Variants in ATM observed in about 807,000 individuals in gnomAD.
The protein encoded by ATM is ATM serine/threonine kinase, also known as serine-protein kinase ATM.
Under a neutral mutation model 387.0 loss-of-function variants are expected in ATM, and 308 were observed. The observed-to-expected ratio is 0.80, with a 90% CI of 0.73 to 0.87. The LOEUF (loss-of-function observed/expected upper bound fraction) is 0.87, where lower values mean the gene tolerates loss of function less well. ATM is among the 40% of genes least tolerant of loss of function. ATM has a pLI of 0.00. For missense variants in ATM, 3,312 were observed against 3,560.9 expected (o/e 0.93, Z 1.78); for synonymous variants, 1,156 against 1,187.3 (o/e 0.97, Z 0.54).
At chr11:108,291,882 T>C (rs1384831432) in intron 29 of ATM, among the ~76,000 whole-genome samples, 1 of 152,220 alleles carries the variant, frequency 6.6e-6, no homozygotes, top group African/African-American at 2.4e-5. Flanking sequence ...AGCATGTGTG[T>C]GGCTTTCTGA....
chr11:108,334,970 TG>T lies in ATM; in HGVS notation c.8014del (p.Asp2672ThrfsTer10), dbSNP rs1455772104. The stretch of plus-strand genomic sequence containing the variant: ...CAATCATGTTTATACTTTTATTAGG[TG>T]GACCACACAGGAGAATATGGAAATC... ...DVVVPTMEIKVDHTGEYGNLV... is the reference protein window; with the variant it reads ...DVVVPTMEIKXDHTGEYGNLV... On this transcript the variant is annotated frameshift_variant and splice_region_variant, in exon 55 of 63. Transcript: ENST00000675843. LOFTEE classifies it high-confidence loss of function. 1 of 1,612,638 alleles carries T rather than the reference TG, an allele frequency of 6.2e-7. No individual in the cohort carries two copies. Among genetic ancestry groups the T allele is most frequent in the East Asian group, 2.2e-5 (1 of 44,852 alleles).
At chr11:108,227,985 T>C (rs1489551366) in intron 3 of ATM, 97 bp downstream of exon 3, 2 of 1,048,114 alleles carry the variant, frequency 1.9e-6, no homozygotes, top group Non-Finnish European at 1.4e-6. Context: ...AACATTTATC[T>C]TTGCTTCCTA....
intron 59 of ATM, among the ~76,000 whole-genome samples, chr11:108,352,323 T>G (rs948858204): frequency 2.0e-5 from 3 of 152,184 alleles, no homozygotes; most frequent in African/African-American, 7.2e-5. Context: ...AGTCTCAGTA[T>G]AGAAGTAGAT....
rs10603787 is a variant in ATM, at chr11:108,290,638, C to CAAAAA, written c.4436+862_4436+866dup. The CAAAAA allele has an allele frequency of 5.4e-4, 37 of 68,652 alleles. 1 individual carries two copies. Among genetic ancestry groups the CAAAAA allele is most frequent in the African/African-American group, 1.8e-3 (28 of 15,378 alleles). 4.3% of individuals were successfully genotyped at this position (68,652 alleles called of 1,614,324 possible). On this transcript the variant is annotated intron_variant, in intron 29 of 62. Transcript: ENST00000675843. ...GGGAGACAGAGCGAGACTCTTGTCT[C>CAAAAA]AAAAAAAAAAAAAAAAAAAAAAAAA...
rs2083471152 is a variant in ATM, at chr11:108,302,276, G to T, written c.5319+487G>T. 2.6e-5 allele frequency among the ~76,000 whole-genome samples: 4 copies of T among 152,170 alleles called. No individual in the cohort carries two copies. In the South Asian group the frequency reaches 8.3e-4, roughly 32 times the overall value. ...CTGTGAAGCATGTTTAAGAACACTTGTTCCTTCCTTAGTCTAAGCATTCCT... is the reference window on the plus strand; with the variant it reads ...CTGTGAAGCATGTTTAAGAACACTTTTTCCTTCCTTAGTCTAAGCATTCCT... On this transcript the variant is annotated intron_variant, in intron 35 of 62. Transcript: ENST00000675843.
intron 33 of ATM, chr11:108,299,364 CT>C: frequency 4.1e-6 from 1 of 241,608 alleles, no homozygotes; most frequent in Non-Finnish European, 8.3e-6. Flanking sequence ...GTGGTGCCAT[CT>C]TGGCTCACTG....
At chr11:108,266,519 A>G (rs2081252132) in intron 16 of ATM, among the ~76,000 whole-genome samples, 44 of 143,098 alleles carry the variant, frequency 3.1e-4, no homozygotes, top group East Asian at 4.3e-4. Context: ...TAGCATTGGG[A>G]GATATACCTA....
chr11:108,247,052 A>C lies in ATM; in HGVS notation c.990A>C (p.Gly330=). Residue 330 remains glycine, a synonymous_variant, in exon 8 of 63, where the codon GGA becomes GGC. Coordinates refer to ENST00000675843, the MANE Select transcript of ATM (RefSeq NM_000051.4). ...AGATAAGTCATATAGGAAGTAGAGG[A>C]AAGTATTCTTCAGGATTTCGTAATA... ...VNEISHIGSR[G]KYSSGFRNIA... 6.2e-7 allele frequency: 1 copy of C among 1,613,848 alleles called. No homozygotes were observed. Among genetic ancestry groups the C allele is most frequent in the Non-Finnish European group, 8.5e-7 (1 of 1,179,810 alleles).
chr11:108,249,002 G>A lies in ATM; in HGVS notation c.1135G>A (p.Asp379Asn), dbSNP rs1591517693. The part of the protein sequence containing the change: ...SYTTTQRESS[D>N]YSVPCKRKKI... ...CACTACTACACAAAGAGAATCTAGT[G>A]ATTACAGTGTCCCTTGCAAAAGGAA... Residue 379 changes from aspartate (D) to asparagine (N), a missense_variant, in exon 9 of 63, where the codon GAT becomes AAT. This residue lies in a region of ATM where 1,791 missense variants were observed against 1,804.5 expected (regional missense o/e 0.99). Transcript: ENST00000675843. 1 of 1,613,206 alleles carries A rather than the reference G, an allele frequency of 6.2e-7. No individual in the cohort carries two copies. Among genetic ancestry groups the A allele is most frequent in the African/African-American group, 1.3e-5 (1 of 74,902 alleles).
Position 108,243,974 on chromosome 11 carries a change from G to T in ATM, c.518G>T (p.Arg173Met), listed in dbSNP as rs372694758. 3.7e-6 allele frequency: 6 copies of T among 1,600,142 alleles called. No individual in the cohort carries two copies. Among genetic ancestry groups the T allele is most frequent in the Non-Finnish European group, 5.1e-6 (6 of 1,172,246 alleles). Residue 173 changes from arginine (R) to methionine (M), a missense_variant, in exon 6 of 63, where the codon AGG (arginine) becomes ATG (methionine). By Grantham distance (91) the Arg-to-Met change is moderately conservative. This residue lies in a region of ATM where 1,791 missense variants were observed against 1,804.5 expected (regional missense o/e 0.99). Transcript: ENST00000675843. ...QWLELFSVYF[R>M]LYLKPSQDVH... ...TAAGAATTGTTCTCTGTGTACTTCAGGCTCTATCTGAAACCTTCACAAGAT... is the reference window on the plus strand; with the variant it reads ...TAAGAATTGTTCTCTGTGTACTTCATGCTCTATCTGAAACCTTCACAAGAT...
rs372950664 is a variant in ATM, at chr11:108,280,904, G to T, written c.3403-91G>T. ...GAGGTTTCTGAAATGTGTATAGCTTGTCAAAAAATCTGGAGTTCAGTTGGG... is the reference window on the plus strand; with the variant it reads ...GAGGTTTCTGAAATGTGTATAGCTTTTCAAAAAATCTGGAGTTCAGTTGGG... On this transcript the variant is annotated intron_variant, in intron 23 of 62. Transcript: ENST00000675843. 2,584 of 1,216,792 alleles carry T rather than the reference G, an allele frequency of 2.1e-3. 11 individuals are homozygous for T. The highest frequency in any genetic ancestry group is 6.7e-3 in the South Asian group (495 of 73,992). 75.4% of individuals were successfully genotyped at this position (1,216,792 alleles called of 1,614,324 possible).
intron 43 of ATM, among the ~76,000 whole-genome samples, chr11:108,318,653 C>T (rs1189786311): frequency 2.0e-5 from 3 of 152,002 alleles, no homozygotes; most frequent in African/African-American, 7.2e-5. Context: ...TGCACCACTG[C>T]ACCCCAGCCT....
At chr11:108,322,068 T>C (rs2085273792) in intron 45 of ATM, among the ~76,000 whole-genome samples, 1 of 152,228 alleles carries the variant, frequency 6.6e-6, no homozygotes. Flanking sequence ...TATCTCTGCC[T>C]TGCTAAACTA....
At chr11:108,347,493 T>G in intron 59 of ATM, 128 bp downstream of exon 59, 1 of 784,288 alleles carries the variant, frequency 1.3e-6, no homozygotes, top group Admixed American at 2.5e-5. Context: ...TTGGGTTTTT[T>G]TGTTTTCAGC....
chr11:108,330,975 T>C (rs2086179632), intron 50 of ATM, among the ~76,000 whole-genome samples: 3 of 152,226 alleles, frequency 2.0e-5, no homozygotes, highest in African/African-American at 7.2e-5. Context: ...GTTAGTCAAT[T>C]TGAAGGTTAG....
chr11:108,354,975 C>A, intron 61 of ATM, 101 bp downstream of exon 61: 1 of 1,004,424 alleles, frequency 1.0e-6, no homozygotes, highest in Non-Finnish European at 1.6e-6. Context: ...TTCATTTTAA[C>A]ATAGGGGGAT....
intron 43 of ATM, among the ~76,000 whole-genome samples, chr11:108,318,388 T>A (rs1028903824): frequency 1.3e-4 from 20 of 150,386 alleles, no homozygotes; most frequent in Non-Finnish European, 2.4e-4. Flanking sequence ...ATAAAAAAAA[T>A]AATATGCCTA....
At chr11:108,361,393 A>T (rs1207905203) in intron 61 of ATM, among the ~76,000 whole-genome samples, 1 of 151,690 alleles carries the variant, frequency 6.6e-6, no homozygotes, top group African/African-American at 2.4e-5. Flanking sequence ...TACAGATTCA[A>T]TGGCATCCCC....
chr11:108,231,274 TC>T (rs2078999450), intron 4 of ATM, among the ~76,000 whole-genome samples: 1 of 152,194 alleles, frequency 6.6e-6, no homozygotes, highest in South Asian at 2.1e-4. Flanking sequence ...AAATGCAGGA[TC>T]CTGGCAAGCT....
Sources: allele counts gnomAD v4.1 joint callset (sites outside exome capture counted in the v4.1 genomes callset), GRCh38; gene constraint gnomAD v4.1.1; regional missense constraint gnomAD v4.1.1; transcripts MANE v1.5; gene names NCBI Gene and HGNC (gene_info 2026-07-23, HGNC 2026-07-21).